Variants in OR2K2 observed in about 807,000 individuals in gnomAD.
OR2K2 encodes olfactory receptor family 2 subfamily K member 2, also known as olfactory receptor 2K2.
OR2K2 carries 7 observed loss-of-function variants against 11.1 expected under a neutral mutation model. The ratio of observed to expected loss-of-function variants is 0.63; its 90% CI spans 0.36 to 1.19. The LOEUF (loss-of-function observed/expected upper bound fraction) is 1.19, where lower values mean the gene tolerates loss of function less well. OR2K2 is among the 50% of genes most tolerant of loss of function. The pLI, the probability that OR2K2 is intolerant of heterozygous loss-of-function variation, is 0.02. For missense variants in OR2K2, 391 were observed against 383.4 expected (o/e 1.02, Z -0.17); for synonymous variants, 152 against 150.8 (o/e 1.01, Z -0.06).
Position 111,328,307 on chromosome 9 carries a change from T to A in OR2K2, c.127A>T (p.Ser43Cys). ...AGGATAGTGATCAAAATAAGAGTGC[T>A]GTTGCCCAAGAGCGTTGTCAGATAC... Reference protein sequence around the residue: ...VMYLTTLLGNSTLILITILDS... With the variant: ...VMYLTTLLGNCTLILITILDS... Residue 43 changes from serine to cysteine, a missense_variant, in exon 2 of 2, where the codon AGC becomes TGC. Coordinates refer to ENST00000302681, the MANE Select transcript of OR2K2 (RefSeq NM_205859.2). The A allele has an allele frequency of 6.2e-7, 1 of 1,614,092 alleles. No individual in the cohort carries two copies. The highest frequency in any genetic ancestry group is 8.5e-7 in the Non-Finnish European group (1 of 1,179,968).
chr9:111,328,315 A>G lies in OR2K2; in HGVS notation c.119T>C (p.Leu40Ser). 1 of 1,614,112 alleles carries G rather than the reference A, an allele frequency of 6.2e-7. No individual in the cohort carries two copies. Among genetic ancestry groups the G allele is most frequent in the East Asian group, 2.2e-5 (1 of 44,890 alleles). The change falls in exon 2 of 2, where the codon TTG becomes TCG. Residue 40 changes from leucine to serine, a missense_variant. Leu to Ser is a moderately radical substitution (Grantham distance 145). Coordinates refer to ENST00000302681, the MANE Select transcript of OR2K2 (RefSeq NM_205859.2). ...GATCAAAATAAGAGTGCTGTTGCCC[A>G]AGAGCGTTGTCAGATACATTACAAG... The part of the protein sequence containing the change: ...FSLVMYLTTL[L>S]GNSTLILITI...
chr9:111,327,821 G>A lies in OR2K2; in HGVS notation c.613C>T (p.Leu205Phe), dbSNP rs557222184. 8 of 1,614,170 alleles carry A rather than the reference G, an allele frequency of 5.0e-6. No homozygotes were observed. The South Asian group carries it at 7.7e-5, about 16-fold the overall frequency. Residue 205 changes from leucine (L) to phenylalanine (F), a missense_variant, in exon 2 of 2, where the codon CTC becomes TTC. Leu to Phe is a conservative substitution (Grantham distance 22). Transcript: ENST00000302681. Reference protein sequence around the residue: ...NTIMLVVSILLLPIPMLLVCI... With the variant: ...NTIMLVVSILFLPIPMLLVCI... ...ACTAAGAGCATTGGAATTGGCAAGA[G>A]GAGAATGCTGACCACCAGCATGATG... is the stretch of plus-strand genomic sequence containing the variant.
In OR2K2 at chr9:111,327,460, C is replaced by G. The variant is rs1175985778; in HGVS notation, c.*23G>C. 4 of 1,507,384 alleles carry G rather than the reference C, an allele frequency of 2.7e-6. No homozygotes were observed. The highest frequency in any genetic ancestry group is 4.5e-5 in the East Asian group (2 of 44,312). The allele number at this position is 1,507,384 out of a possible 1,614,324, so 93.4% of individuals were successfully genotyped here. The stretch of plus-strand genomic sequence containing the variant: ...GATGAGCTCTGCCAGGGGCACATCT[C>G]TGGTAAAACCATAGGGACCCAATCA... On this transcript the variant is annotated 3_prime_UTR_variant, in exon 2 of 2. Transcript: ENST00000302681.
At chr9:111,328,815 C>T (rs2098102054) in intron 1 of OR2K2, among the ~76,000 whole-genome samples, 1 of 152,036 alleles carries the variant, frequency 6.6e-6, no homozygotes, top group Admixed American at 6.6e-5. Context: ...TTATTGAGCT[C>T]AAATCAGAAA....
chr9:111,329,685 G>A (rs867252712), intron 1 of OR2K2, among the ~76,000 whole-genome samples: 19 of 152,186 alleles, frequency 1.2e-4, no homozygotes, highest in Admixed American at 7.2e-4. Flanking sequence ...ACTAACTTTA[G>A]CACTTCCAGA....
intron 1 of OR2K2, 131 bp from the exon 2 acceptor site, chr9:111,328,613 G>T (rs913729704): frequency 4.2e-5 from 25 of 596,192 alleles, no homozygotes; most frequent in East Asian, 1.1e-4. Context: ...TTGATGTAAG[G>T]GGGGGAGCAG....
rs751046224 is a variant in OR2K2 at position 111,328,395 on chromosome 9, G to GA, written c.38dup (p.Glu15GlyfsTer42). 16 of 1,611,220 alleles carry GA rather than the reference G, an allele frequency of 9.9e-6. No homozygotes were observed. The East Asian group carries it at 2.0e-4, about 20-fold the overall frequency. On this transcript the variant is annotated frameshift_variant, in exon 2 of 2. Coordinates refer to ENST00000302681, the MANE Select transcript of OR2K2 (RefSeq NM_205859.2). LOFTEE classifies it high-confidence loss of function. ...CTGGGTACTGGGAAAATCCCTCCAA[G>GA]AAAAAAATGCTCCAAATGGTGAAGT...
At position 111,328,181 on chromosome 9, in the gene OR2K2, A is replaced by C. The variant is rs781486724; in HGVS notation, c.253T>G (p.Leu85Val). The change falls in exon 2 of 2, where the codon TTG (leucine) becomes GTG (valine). Residue 85 changes from leucine (L) to valine (V), a missense_variant. Physicochemically the swap from Leu to Val is conservative, Grantham distance 32 (BLOSUM62 1). Coordinates refer to ENST00000302681, the MANE Select transcript of OR2K2 (RefSeq NM_205859.2). ...SASVPTLLVN[L>V]LSSQKTIIFS... ...ATAATGGTTTTCTGGGATGACAGCAAGTTCACCAGCAAAGTAGGAACAGAG... is the reference window on the plus strand; with the variant it reads ...ATAATGGTTTTCTGGGATGACAGCACGTTCACCAGCAAAGTAGGAACAGAG... 1 of 1,614,220 alleles carries C rather than the reference A, an allele frequency of 6.2e-7. No individual in the cohort carries two copies. Among genetic ancestry groups the C allele is most frequent in the Non-Finnish European group, 8.5e-7 (1 of 1,180,038 alleles).
Position 111,328,483 on chromosome 9 carries a change from C to A in OR2K2, c.-49-1G>T. On this transcript the variant is annotated splice_acceptor_variant, in intron 1 of 1. Transcript: ENST00000302681. LOFTEE classifies it low-confidence loss of function (5UTR_SPLICE). ...TCCAGTACTATTCCCTTCATTTAATCTGAGGACATAAAGAAATGAATAAAG... is the reference window on the plus strand; with the variant it reads ...TCCAGTACTATTCCCTTCATTTAATATGAGGACATAAAGAAATGAATAAAG... 1 of 1,206,622 alleles carries A rather than the reference C, an allele frequency of 8.3e-7. No homozygotes were observed. The allele number at this position is 1,206,622 out of a possible 1,614,324, so 74.7% of individuals were successfully genotyped here.
chr9:111,327,246 AT>A lies in OR2K2; in HGVS notation c.*236del, dbSNP rs1490856557. Among the ~76,000 whole-genome samples, 1 of 152,264 alleles carries A rather than the reference AT, an allele frequency of 6.6e-6. No homozygotes were observed. The highest frequency in any genetic ancestry group is 1.5e-5 in the Non-Finnish European group (1 of 68,044). ...ATACACGATTTCTTCTGTAGCAAAC[AT>A]TTAATGACTCTATAACTCAAAACCT... On this transcript the variant is annotated 3_prime_UTR_variant, in exon 2 of 2. Coordinates refer to ENST00000302681, the MANE Select transcript of OR2K2 (RefSeq NM_205859.2).
intron 1 of OR2K2, among the ~76,000 whole-genome samples, chr9:111,328,880 T>C (rs899828941): frequency 6.6e-6 from 1 of 152,100 alleles, no homozygotes; most frequent in Non-Finnish European, 1.5e-5. Context: ...AAAAGCAATA[T>C]TGATCTTCAC....
At position 111,327,592 on chromosome 9, in the gene OR2K2, GT is replaced by G; in HGVS notation, c.841del (p.Thr281ProfsTer4). 1 of 1,614,004 alleles carries G rather than the reference GT, an allele frequency of 6.2e-7. No homozygotes were observed. The highest frequency in any genetic ancestry group is 8.5e-7 in the Non-Finnish European group (1 of 1,179,894). On this transcript the variant is annotated frameshift_variant, in exon 2 of 2. Coordinates refer to ENST00000302681, the MANE Select transcript of OR2K2 (RefSeq NM_205859.2). LOFTEE classifies it high-confidence loss of function. ...KIISLLYGVL[T>X]PMLNPIIYSL... is the part of the protein sequence containing the mutation. ...GTAAATTATGGGGTTCAACATAGGG[GT>G]AAGCACTCCGTAAAGCAACGAGATG...
At chr9:111,329,781 T>C (rs1453664514) in intron 1 of OR2K2, among the ~76,000 whole-genome samples, 2 of 152,206 alleles carry the variant, frequency 1.3e-5, no homozygotes, top group Admixed American at 6.5e-5. Context: ...AAACTTAAAG[T>C]TGTATATTTT....
In OR2K2 at chr9:111,328,488, G is replaced by T; in HGVS notation, c.-49-6C>A. ...TACTATTCCCTTCATTTAATCTGAG[G>T]ACATAAAGAAATGAATAAAGTGTGA... On this transcript the variant is annotated splice_region_variant and splice_polypyrimidine_tract_variant and intron_variant, in intron 1 of 1. Transcript: ENST00000302681. The T allele has an allele frequency of 8.5e-7, 1 of 1,169,950 alleles. No individual in the cohort carries two copies. The highest frequency in any genetic ancestry group is 1.2e-6 in the Non-Finnish European group (1 of 809,108). 72.5% of individuals were successfully genotyped at this position (1,169,950 alleles called of 1,614,324 possible).
Position 111,328,251 on chromosome 9 carries a change from T to C in OR2K2, c.183A>G (p.Leu61=). ...LDSRLKTPMY[L]FLGNLSFMDI... Reference sequence around the variant, plus strand: ...CCATGAAAGAGAGATTTCCAAGGAATAAGTACATGGGGGTTTTAAGGCGTG... The same window carrying C: ...CCATGAAAGAGAGATTTCCAAGGAACAAGTACATGGGGGTTTTAAGGCGTG... The change falls in exon 2 of 2, where the codon TTA becomes TTG. Residue 61 remains leucine (L), a synonymous_variant. Transcript: ENST00000302681. 6.2e-7 allele frequency: 1 copy of C among 1,614,144 alleles called. No homozygotes were observed. Among genetic ancestry groups the C allele is most frequent in the Non-Finnish European group, 8.5e-7 (1 of 1,180,020 alleles).
chr9:111,329,509 T>C (rs1013999914), intron 1 of OR2K2, among the ~76,000 whole-genome samples: 2 of 152,164 alleles, frequency 1.3e-5, no homozygotes, highest in Admixed American at 1.3e-4. Flanking sequence ...CGAAAACCCA[T>C]ATATCCAGGA....
Position 111,330,159 on chromosome 9 carries a change from C to CCATCTGAAT in OR2K2, c.-112_-104dup, listed in dbSNP as rs1443042960. 6.6e-6 allele frequency: 1 copy of CCATCTGAAT among 152,090 alleles called. No individual in the cohort carries two copies. Among genetic ancestry groups the CCATCTGAAT allele is most frequent in the Non-Finnish European group, 1.5e-5 (1 of 68,002 alleles). 9.4% of individuals were successfully genotyped at this position (152,090 alleles called of 1,614,324 possible). On this transcript the variant is annotated 5_prime_UTR_variant, in exon 1 of 2. The change creates a new upstream start codon in the 5' untranslated region. Transcript: ENST00000302681. ...TAGTAGCCAAGAAGAATTGGTCCTC[C>CCATCTGAAT]CATCTGAATTCCGTATCAGCAACTT... is the stretch of plus-strand genomic sequence containing the variant.
rs757683723 is a variant in OR2K2 at position 111,328,501 on chromosome 9, G to T, written c.-49-19C>A. On this transcript the variant is annotated intron_variant, in intron 1 of 1. Coordinates refer to ENST00000302681, the MANE Select transcript of OR2K2 (RefSeq NM_205859.2). ...ATTTAATCTGAGGACATAAAGAAAT[G>T]AATAAAGTGTGATATTCATTTAGTT... 2.9e-6 allele frequency: 3 copies of T among 1,051,056 alleles called. No individual in the cohort carries two copies. Among genetic ancestry groups the T allele is most frequent in the African/African-American group, 1.6e-5 (1 of 62,192 alleles). 65.1% of individuals were successfully genotyped at this position (1,051,056 alleles called of 1,614,324 possible).
intron 1 of OR2K2, among the ~76,000 whole-genome samples, chr9:111,329,315 G>A (rs961175973): frequency 5.9e-5 from 9 of 152,116 alleles, no homozygotes; most frequent in African/African-American, 1.9e-4. Context: ...TTTCAAAAAG[G>A]ACAACAATGC....
Sources: gnomAD v4.1 joint callset for allele counts (sites outside exome capture counted in the v4.1 genomes callset) on GRCh38, gnomAD v4.1.1 for gene constraint, MANE v1.5 for transcripts, NCBI Gene and HGNC (gene_info 2026-07-23, HGNC 2026-07-21) for gene names.